The following CMKLR2 variants were observed in gnomAD, a reference collection of about 807,000 sequenced individuals.
The protein encoded by CMKLR2 is chemerin chemokine-like receptor 2, also known as chemerin-like receptor 2.
In CMKLR2, 18 loss-of-function variants were observed where a neutral mutation model predicts 23.0. The observed-to-expected ratio is 0.78, with a 90% confidence interval of 0.54 to 1.16. CMKLR2 has a LOEUF of 1.16. Ranked by LOEUF, CMKLR2 falls within the 50% of genes most tolerant of loss-of-function variation. CMKLR2 has a pLI of 0.00. For synonymous variants in CMKLR2, 158 were observed against 158.9 expected (o/e 0.99, Z 0.05); for missense variants, 401 against 412.7 (o/e 0.97, Z 0.25).
At chr2:206,194,979 A>C (rs1688875793) in intron 1 of CMKLR2, among the ~76,000 whole-genome samples, 1 of 145,512 alleles carries the variant, frequency 6.9e-6, no homozygotes, top group African/African-American at 2.6e-5. Context: ...GATGGTCTCG[A>C]TCTCCTGACC....
Position 206,176,761 on chromosome 2 carries a change from G to T in CMKLR2, c.487C>A (p.Leu163Ile). 1.9e-6 allele frequency: 3 copies of T among 1,614,160 alleles called. No homozygotes were observed. Among genetic ancestry groups the T allele is most frequent in the Non-Finnish European group, 2.5e-6 (3 of 1,180,016 alleles). The change falls in exon 2 of 2, where the codon CTT (leucine) becomes ATT (isoleucine). Residue 163 changes from leucine to isoleucine, a missense_variant. By Grantham distance (5) the Leu-to-Ile change is conservative (BLOSUM62 2). Transcript: ENST00000621141. ...GGACCGCCAATTAGAGAAGCCAAAA[G>T]CCAGATGAATATAATGACAATCAGA... ...NSLIVIIFIWLLASLIGGPAL... is the reference protein window; with the variant it reads ...NSLIVIIFIWILASLIGGPAL...
chr2:206,175,979 T>C lies in CMKLR2; in HGVS notation c.*201A>G, dbSNP rs1688192126. 2.4e-6 allele frequency: 1 copy of C among 414,140 alleles called. No homozygotes were observed. The highest frequency in any genetic ancestry group is 2.0e-5 in the African/African-American group (1 of 48,928). The allele number at this position is 414,140 out of a possible 1,614,324, so 25.7% of individuals were successfully genotyped here. ...AGTATTTTCAGTTTTTTAAAAAAAA[T>C]TTATTGCCACATCACAAGGAGTCAA... On this transcript the variant is annotated 3_prime_UTR_variant, in exon 2 of 2. Coordinates refer to ENST00000621141, the MANE Select transcript of CMKLR2 (RefSeq NM_001389445.1).
At chr2:206,199,116 G>C (rs1574320666) in intron 1 of CMKLR2, among the ~76,000 whole-genome samples, 1 of 152,184 alleles carries the variant, frequency 6.6e-6, no homozygotes, top group Non-Finnish European at 1.5e-5. Flanking sequence ...AGAGAGGGAG[G>C]CTGGGTGCAA....
intron 1 of CMKLR2, among the ~76,000 whole-genome samples, chr2:206,181,192 G>A (rs1688401816): frequency 6.6e-6 from 1 of 151,724 alleles, no homozygotes; most frequent in Admixed American, 6.6e-5. Context: ...CAAGTACCTG[G>A]GACTACAGGC....
chr2:206,187,210 A>G (rs1688608095), intron 1 of CMKLR2, among the ~76,000 whole-genome samples: 1 of 151,952 alleles, frequency 6.6e-6, no homozygotes, highest in Admixed American at 6.6e-5. Flanking sequence ...AGCCAGGCGC[A>G]GTAAGGCGGA....
At chr2:206,200,399 G>T (rs779901508) in intron 1 of CMKLR2, among the ~76,000 whole-genome samples, 2 of 152,138 alleles carry the variant, frequency 1.3e-5, no homozygotes, top group Non-Finnish European at 2.9e-5. Flanking sequence ...CTCCAGCCTG[G>T]GCAACAAGAG....
At chr2:206,180,766 T>TTATTATTATTA (rs1688386785) in intron 1 of CMKLR2, among the ~76,000 whole-genome samples, 1 of 148,122 alleles carries the variant, frequency 6.8e-6, no homozygotes, top group South Asian at 2.1e-4. Flanking sequence ...ATTATTATTA[T>TTATTATTATTA]TATTTTGAGA....
chr2:206,205,945 C>T (rs940973740), intron 1 of CMKLR2, among the ~76,000 whole-genome samples: 3 of 151,884 alleles, frequency 2.0e-5, no homozygotes, highest in African/African-American at 4.8e-5. Context: ...GTGATCTGCC[C>T]GCCTCGGCCT....
At chr2:206,202,535 A>G (rs1448988647) in intron 1 of CMKLR2, among the ~76,000 whole-genome samples, 1 of 152,020 alleles carries the variant, frequency 6.6e-6, no homozygotes, top group African/African-American at 2.4e-5. Flanking sequence ...ATAATGGTTC[A>G]CTGCAGTTTC....
At chr2:206,196,980 C>T (rs370178078) in intron 1 of CMKLR2, among the ~76,000 whole-genome samples, 3 of 152,242 alleles carry the variant, frequency 2.0e-5, no homozygotes, top group South Asian at 4.1e-4. Flanking sequence ...GTGATCTCGG[C>T]GCACTGCAAC....
chr2:206,201,992 T>C (rs1689113157), intron 1 of CMKLR2, among the ~76,000 whole-genome samples: 1 of 152,212 alleles, frequency 6.6e-6, no homozygotes, highest in Non-Finnish European at 1.5e-5. Flanking sequence ...GGGGCGCTAA[T>C]GTTAGCTCAA....
At chr2:206,196,984 C>T (rs2105822188) in intron 1 of CMKLR2, among the ~76,000 whole-genome samples, 1 of 152,248 alleles carries the variant, frequency 6.6e-6, no homozygotes, top group African/African-American at 2.4e-5. Context: ...TCTCGGCGCA[C>T]TGCAACCTCC....
intron 1 of CMKLR2, among the ~76,000 whole-genome samples, chr2:206,179,054 CCT>C (rs1688319992): frequency 8.1e-6 from 1 of 123,654 alleles, no homozygotes; most frequent in African/African-American, 2.9e-5. Flanking sequence ...GCTCCCTGTC[CCT>C]TTTTTTTTTT....
intron 1 of CMKLR2, among the ~76,000 whole-genome samples, chr2:206,206,457 C>G (rs1689319836): frequency 6.6e-6 from 1 of 152,208 alleles, no homozygotes; most frequent in Non-Finnish European, 1.5e-5. Flanking sequence ...AAGCTTTTAT[C>G]TCCTAAACTT....
intron 1 of CMKLR2, among the ~76,000 whole-genome samples, chr2:206,179,144 T>TG (rs2105799903): frequency 7.6e-6 from 1 of 130,896 alleles, no homozygotes; most frequent in East Asian, 2.4e-4. Flanking sequence ...GGTGTGATCT[T>TG]GGCTCACCTC....
At chr2:206,181,317 C>T (rs1210884031) in intron 1 of CMKLR2, among the ~76,000 whole-genome samples, 1 of 151,948 alleles carries the variant, frequency 6.6e-6, no homozygotes, top group Non-Finnish European at 1.5e-5. Context: ...ATCTCAGTCT[C>T]CCAAAGTGCT....
At chr2:206,190,194 A>G (rs549949776) in intron 1 of CMKLR2, among the ~76,000 whole-genome samples, 1 of 152,312 alleles carries the variant, frequency 6.6e-6, no homozygotes, top group African/African-American at 2.4e-5. Context: ...CATTAAGACA[A>G]ATGACAATAT....
At chr2:206,194,019 G>T (rs1253416192) in intron 1 of CMKLR2, among the ~76,000 whole-genome samples, 1 of 152,192 alleles carries the variant, frequency 6.6e-6, no homozygotes, top group African/African-American at 2.4e-5. Context: ...TTTACATCAA[G>T]ATACTTCCTC....
At chr2:206,183,344 A>G (rs1038156586) in intron 1 of CMKLR2, among the ~76,000 whole-genome samples, 5 of 152,110 alleles carry the variant, frequency 3.3e-5, no homozygotes, top group African/African-American at 1.2e-4. Context: ...TCCCCTTCCA[A>G]TGTCATTATT....
Sources: allele counts gnomAD v4.1 joint callset (sites outside exome capture counted in the v4.1 genomes callset), GRCh38; gene constraint gnomAD v4.1.1; transcripts MANE v1.5; gene names NCBI Gene and HGNC (gene_info 2026-07-23, HGNC 2026-07-21).